The following PLXNA4 variants were observed in gnomAD, a reference collection of about 807,000 sequenced individuals.
PLXNA4 encodes plexin-A4.
A neutral mutation model predicts 191.8 loss-of-function variants in PLXNA4; 44 were observed. That is an observed-to-expected ratio of 0.23 (90% confidence interval 0.18 to 0.29). The LOEUF is 0.29. Ranked by LOEUF, PLXNA4 falls within the 10% of genes least tolerant of loss-of-function variation. The pLI, the probability that PLXNA4 is intolerant of heterozygous loss-of-function variation, is 1.00. For synonymous variants in PLXNA4, 1,082 were observed against 1,009.5 expected (o/e 1.07, Z -1.36); for missense variants, 1,800 against 2,488.8 (o/e 0.72, Z 5.89).
At chr7:132,223,419 T>C in intron 9 of PLXNA4, 108 bp downstream of exon 9, 1 of 874,498 alleles carries the variant, frequency 1.1e-6, no homozygotes, top group East Asian at 2.7e-5. Flanking sequence ...AAGAAGGGGG[T>C]GGTCCTGCAC....
chr7:132,404,203 C>T (rs1257011246), intron 3 of PLXNA4, among the ~76,000 whole-genome samples: 1 of 152,184 alleles, frequency 6.6e-6, no homozygotes, highest in East Asian at 1.9e-4. Context: ...ACTAACCCTC[C>T]AGGAGGCTGA....
In PLXNA4 at chr7:132,508,894, G is replaced by T. The variant is rs977285196; in HGVS notation, c.-86-115C>A. ...TGCACACACTGAGCAGAACTGCACT[G>T]GGGGGTGCTGGAGGCTGACTGAGTC... On this transcript the variant is annotated intron_variant, in intron 1 of 31. Coordinates refer to ENST00000321063, the MANE Select transcript of PLXNA4 (RefSeq NM_020911.2). This position sits in a 1 kb window ranked among gnomAD's most constrained non-coding sequence, Gnocchi z 4.4. 14 of 1,071,754 alleles carry T rather than the reference G, an allele frequency of 1.3e-5. No individual in the cohort carries two copies. Among genetic ancestry groups the T allele is most frequent in the Non-Finnish European group, 1.6e-5 (13 of 792,288 alleles). 66.4% of individuals were successfully genotyped at this position (1,071,754 alleles called of 1,614,324 possible).
intron 3 of PLXNA4, among the ~76,000 whole-genome samples, chr7:132,333,150 A>G (rs1271203556): frequency 6.6e-6 from 1 of 152,216 alleles, no homozygotes; most frequent in Non-Finnish European, 1.5e-5. Flanking sequence ...GGAAACTAGG[A>G]TAGCAGCTCT....
At chr7:132,394,612 C>T (rs1209028115) in intron 3 of PLXNA4, among the ~76,000 whole-genome samples, 1 of 152,238 alleles carries the variant, frequency 6.6e-6, no homozygotes, top group East Asian at 1.9e-4. Flanking sequence ...TAAATTCCTT[C>T]ACCTCTCTGG....
chr7:132,150,007 CCAGTCCCTGGGGCTT>C (rs1475620812), intron 25 of PLXNA4, among the ~76,000 whole-genome samples: 2 of 152,172 alleles, frequency 1.3e-5, no homozygotes, highest in African/African-American at 2.4e-5. Flanking sequence ...CCCTGGGGCT[CCAGTCCCTGGGGCTT>C]CCCTGCTGCC....
rs116051991 is a variant in PLXNA4 at position 132,147,186 on chromosome 7, A to G, written c.4865-486T>C. Reference sequence around the variant, plus strand: ...TGGCCTGCGCCAATTATTCCTGTTTATTTGCTGAAATTCCTGCCAGTGTTT... The same window carrying G: ...TGGCCTGCGCCAATTATTCCTGTTTGTTTGCTGAAATTCCTGCCAGTGTTT... On this transcript the variant is annotated intron_variant, in intron 27 of 31. Transcript: ENST00000321063. Among the ~76,000 whole-genome samples, 1,105 of 152,200 alleles carry G rather than the reference A, an allele frequency of 7.3e-3. 17 individuals carry two copies. Among genetic ancestry groups the G allele is most frequent in the African/African-American group, 0.026 (1,062 of 41,520 alleles).
intron 3 of PLXNA4, among the ~76,000 whole-genome samples, chr7:132,349,690 C>T (rs998449994): frequency 6.6e-6 from 1 of 152,164 alleles, no homozygotes; most frequent in South Asian, 2.1e-4. Context: ...TCGTGGAGAT[C>T]AGGAACAGCT....
chr7:132,384,539 CT>C lies in PLXNA4; in HGVS notation c.1372-86318del, dbSNP rs539301263. 2.0e-4 allele frequency: 200 copies of C among 986,846 alleles called. 1 individual carries two copies. In the Middle Eastern group the frequency reaches 8.9e-3, roughly 44 times the overall value. The allele number at this position is 986,846 out of a possible 1,614,324, so 61.1% of individuals were successfully genotyped here. A position where few individuals can be genotyped will look rare whatever the true frequency, so the allele number is the denominator to read the frequency against. ...AAGGAGACTGGACAACACCAATTAA[CT>C]TTTTTTGGGTGCTCTCCTGGACCAG... On this transcript the variant is annotated intron_variant, in intron 3 of 31. Transcript: ENST00000321063.
intron 3 of PLXNA4, among the ~76,000 whole-genome samples, chr7:132,457,029 CTAAG>C (rs929633265): frequency 1.1e-4 from 16 of 152,296 alleles, no homozygotes; most frequent in African/African-American, 3.4e-4. Context: ...TCTCTGGTAC[CTAAG>C]TGAGTACCTG....
chr7:132,469,996 T>A (rs1278215591), intron 3 of PLXNA4, among the ~76,000 whole-genome samples: 5 of 152,212 alleles, frequency 3.3e-5, no homozygotes, highest in Non-Finnish European at 7.3e-5. Flanking sequence ...CAGTGGCAGA[T>A]CTTCTCATTG....
At chr7:132,289,707 A>G (rs1327199252) in intron 4 of PLXNA4, among the ~76,000 whole-genome samples, 1 of 151,706 alleles carries the variant, frequency 6.6e-6, no homozygotes, top group Non-Finnish European at 1.5e-5. Context: ...TAATTTTTAA[A>G]TTTTTTGTAG....
At chr7:132,217,900 T>C (rs1438019711) in intron 9 of PLXNA4, among the ~76,000 whole-genome samples, 7 of 59,518 alleles carry the variant, frequency 1.2e-4, no homozygotes, top group African/African-American at 4.5e-4. Flanking sequence ...GGATTTGCTT[T>C]TTTTTTTTTT....
chr7:132,307,328 A>G (rs1801563245), intron 3 of PLXNA4, among the ~76,000 whole-genome samples: 1 of 151,946 alleles, frequency 6.6e-6, no homozygotes, highest in Non-Finnish European at 1.5e-5. Context: ...CTTCTGACAT[A>G]CTGTGTCCTG....
intron 3 of PLXNA4, among the ~76,000 whole-genome samples, chr7:132,469,520 C>A (rs1471718332): frequency 6.6e-6 from 1 of 152,218 alleles, no homozygotes; most frequent in Non-Finnish European, 1.5e-5. Flanking sequence ...TGTTTCTCAA[C>A]CCTGGGATTG....
At chr7:132,541,574 A>C (rs1171844425) in intron 1 of PLXNA4, among the ~76,000 whole-genome samples, 1 of 152,228 alleles carries the variant, frequency 6.6e-6, no homozygotes, top group African/African-American at 2.4e-5. Flanking sequence ...TTTCCTTTTG[A>C]CATCCACATA....
At chr7:132,315,589 T>A (rs1342021226) in intron 3 of PLXNA4, among the ~76,000 whole-genome samples, 1 of 152,172 alleles carries the variant, frequency 6.6e-6, no homozygotes, top group African/African-American at 2.4e-5. Flanking sequence ...TCATTTTCGA[T>A]CAGATATTCT....
intron 1 of PLXNA4, among the ~76,000 whole-genome samples, chr7:132,510,798 G>A (rs895910756): frequency 2.0e-5 from 3 of 152,132 alleles, no homozygotes; most frequent in African/African-American, 7.2e-5. Context: ...CAGAAGCATG[G>A]GCATATCACA....
At chr7:132,231,786 C>A (rs536942431) in intron 5 of PLXNA4, among the ~76,000 whole-genome samples, 1 of 152,168 alleles carries the variant, frequency 6.6e-6, no homozygotes, top group Non-Finnish European at 1.5e-5. Flanking sequence ...AAGAAAGGCA[C>A]GGCTGCAGCA....
intron 25 of PLXNA4, among the ~76,000 whole-genome samples, chr7:132,151,509 GAGA>G (rs1795633195): frequency 2.2e-5 from 2 of 92,590 alleles, no homozygotes; most frequent in Non-Finnish European, 4.3e-5. Flanking sequence ...GGAGGAGGAG[GAGA>G]AAGGAGGAGG....
Sources: gnomAD v4.1 joint callset for allele counts (sites outside exome capture counted in the v4.1 genomes callset) on GRCh38, gnomAD v4.1.1 for gene constraint, Gnocchi (gnomAD v3.1) non-coding constraint, MANE v1.5 for transcripts, NCBI Gene and HGNC (gene_info 2026-07-23, HGNC 2026-07-21) for gene names.